The following CPNE4 variants were observed in gnomAD, a reference collection of about 807,000 sequenced individuals.
The protein encoded by CPNE4 is copine 4.
In CPNE4, 25 loss-of-function variants were observed where a neutral mutation model predicts 67.9. That is an observed-to-expected ratio of 0.37 (90% confidence interval 0.27 to 0.51). CPNE4 has a LOEUF of 0.51. Among genes scored for constraint, CPNE4 ranks in the 20% least tolerant of loss-of-function variants. The probability of loss-of-function intolerance (pLI) is 0.93; values close to 1 mark genes in which losing one functional copy is unlikely to be tolerated. For missense variants in CPNE4, 464 were observed against 690.8 expected (o/e 0.67, Z 3.68); for synonymous variants, 242 against 244.9 (o/e 0.99, Z 0.11).
intron 7 of CPNE4, among the ~76,000 whole-genome samples, chr3:131,665,589 G>T (rs1009765106): frequency 1.3e-5 from 2 of 152,016 alleles, no homozygotes; most frequent in Non-Finnish European, 2.9e-5. Flanking sequence ...AACCTGGGAG[G>T]CAGAGGTTGT....
At chr3:132,037,885 A>C (rs577463118), upstream of CPNE4, 3 of 348,942 alleles carry the variant, frequency 8.6e-6, no homozygotes, top group East Asian at 4.7e-5. Context: ...CAGATGATGA[A>C]GGGGAAAAAC....
At chr3:132,010,574 C>T (rs1479404549) in intron 1 of CPNE4, among the ~76,000 whole-genome samples, 1 of 152,176 alleles carries the variant, frequency 6.6e-6, no homozygotes, top group Non-Finnish European at 1.5e-5. Context: ...TATCTGGACA[C>T]TTGTGTCCAG....
chr3:132,033,535 C>T (rs2074285003), intron 1 of CPNE4, among the ~76,000 whole-genome samples: 1 of 152,112 alleles, frequency 6.6e-6, no homozygotes, highest in South Asian at 2.1e-4. Context: ...CTCCACTTCC[C>T]AACCACCCAC....
At chr3:131,676,512 T>C (rs1445257985) in intron 6 of CPNE4, among the ~76,000 whole-genome samples, 1 of 152,154 alleles carries the variant, frequency 6.6e-6, no homozygotes, top group Non-Finnish European at 1.5e-5. Context: ...TAGTTATTTT[T>C]CCTACTTCTC....
intron 2 of CPNE4, among the ~76,000 whole-genome samples, chr3:131,894,397 T>G (rs1241430559): frequency 1.3e-5 from 2 of 151,764 alleles, no homozygotes; most frequent in African/African-American, 4.8e-5. Flanking sequence ...TAAAAAGCTT[T>G]TGCACAGCAA....
At chr3:131,800,147 G>A (rs2084050353) in intron 2 of CPNE4, among the ~76,000 whole-genome samples, 1 of 152,016 alleles carries the variant, frequency 6.6e-6, no homozygotes, top group Admixed American at 6.6e-5. Context: ...CCCCTCCTCT[G>A]TTTTGTAATT....
chr3:131,921,648 T>C (rs1023309749), intron 1 of CPNE4, among the ~76,000 whole-genome samples: 1 of 152,220 alleles, frequency 6.6e-6, no homozygotes, highest in African/African-American at 2.4e-5. Flanking sequence ...TTTCCTCATC[T>C]GCAGAATAGA....
chr3:131,654,431 T>A (rs1209990412), intron 7 of CPNE4, among the ~76,000 whole-genome samples: 1 of 152,118 alleles, frequency 6.6e-6, no homozygotes, highest in African/African-American at 2.4e-5. Flanking sequence ...CCAGCGTCTG[T>A]TGTTCCCCTC....
chr3:131,605,988 C>T (rs955067454), intron 7 of CPNE4, among the ~76,000 whole-genome samples: 1 of 152,120 alleles, frequency 6.6e-6, no homozygotes, highest in Non-Finnish European at 1.5e-5. Flanking sequence ...ATTGTTTCTT[C>T]TAGCAAAATG....
At position 131,916,314 on chromosome 3, in the gene CPNE4, G is replaced by A. The variant is rs79960280; in HGVS notation, c.-1-10870C>T. Reference sequence around the variant, plus strand: ...AGGGTCACGTTAACAGGAAGCTGGGGGGCTCACAACGTGGATTTTGTGTTT... The same window carrying A: ...AGGGTCACGTTAACAGGAAGCTGGGAGGCTCACAACGTGGATTTTGTGTTT... On this transcript the variant is annotated intron_variant, in intron 1 of 15. Coordinates refer to ENST00000429747, the MANE Select transcript of CPNE4 (RefSeq NM_130808.3). 3.6e-3 allele frequency among the ~76,000 whole-genome samples: 537 copies of A among 150,632 alleles called. 5 individuals carry two copies. The highest frequency in any genetic ancestry group is 5.0e-3 in the Non-Finnish European group (339 of 67,794).
chr3:131,953,920 A>C (rs1583507276), intron 1 of CPNE4, among the ~76,000 whole-genome samples: 1 of 152,340 alleles, frequency 6.6e-6, no homozygotes, highest in South Asian at 2.1e-4. Context: ...AAAGAAAGGA[A>C]AACATTTTTG....
rs192398867 is a variant in CPNE4, at chr3:131,876,499, A to G, written c.180+28765T>C. On this transcript the variant is annotated intron_variant, in intron 2 of 15. Transcript: ENST00000429747. ...CTACTAAAAATAGAAAAGATTAGCC[A>G]GATGTGGTGGCGGGCGCCTGTAGTC... 2.8e-3 allele frequency among the ~76,000 whole-genome samples: 419 copies of G among 151,590 alleles called. 2 individuals carry two copies. The highest frequency in any genetic ancestry group is 9.6e-3 in the African/African-American group (396 of 41,368).
chr3:131,848,356 A>C (rs1205401187), intron 2 of CPNE4, among the ~76,000 whole-genome samples: 1 of 151,970 alleles, frequency 6.6e-6, no homozygotes, highest in African/African-American at 2.4e-5. Context: ...TTCATTCCCC[A>C]CTCATCTTTT....
rs1346738477 is a variant in CPNE4 at position 131,557,205 on chromosome 3, G to A, written c.1062-1654C>T. On this transcript the variant is annotated intron_variant, in intron 11 of 15. Coordinates refer to ENST00000429747, the MANE Select transcript of CPNE4 (RefSeq NM_130808.3). The stretch of plus-strand genomic sequence containing the variant: ...TCGCCATAGGGCTCTTGGCAAGGAC[G>A]TGTCCTTCTCATGTCATCTACCTTT... 3.3e-5 allele frequency among the ~76,000 whole-genome samples: 5 copies of A among 152,134 alleles called. No individual in the cohort carries two copies. In the East Asian group the frequency reaches 7.7e-4, roughly 24 times the overall value.
chr3:131,648,833 G>A (rs1186021024), intron 7 of CPNE4, among the ~76,000 whole-genome samples: 1 of 152,122 alleles, frequency 6.6e-6, no homozygotes, highest in African/African-American at 2.4e-5. Flanking sequence ...ATGAGGCCCA[G>A]GGAGGGTGCT....
intron 6 of CPNE4, among the ~76,000 whole-genome samples, chr3:131,678,059 A>C (rs971748358): frequency 6.6e-6 from 1 of 152,204 alleles, no homozygotes; most frequent in African/African-American, 2.4e-5. Flanking sequence ...ATTCCTATGC[A>C]TGAGCATGGA....
At chr3:131,549,800 T>C in intron 14 of CPNE4, 147 bp downstream of exon 14, 1 of 851,212 alleles carries the variant, frequency 1.2e-6, no homozygotes, top group Non-Finnish European at 1.8e-6. Flanking sequence ...ATGTCAAGAC[T>C]GAGGATAGGA....
At chr3:131,949,344 G>A (rs2071651406) in intron 1 of CPNE4, among the ~76,000 whole-genome samples, 1 of 152,180 alleles carries the variant, frequency 6.6e-6, no homozygotes, top group African/African-American at 2.4e-5. Context: ...CAGATATGAT[G>A]TTCCACTTAG....
intron 2 of CPNE4, among the ~76,000 whole-genome samples, chr3:131,859,673 A>C (rs114381518): frequency 6.6e-6 from 1 of 152,188 alleles, no homozygotes; most frequent in African/African-American, 2.4e-5. Flanking sequence ...TTGAGCACCA[A>C]TGGTGTCCAC....
Sources: allele counts gnomAD v4.1 joint callset (sites outside exome capture counted in the v4.1 genomes callset), GRCh38; gene constraint gnomAD v4.1.1; transcripts MANE v1.5; gene names NCBI Gene and HGNC (gene_info 2026-07-23, HGNC 2026-07-21).